The following PGS1 variants were observed in gnomAD, a reference collection of about 807,000 sequenced individuals.
PGS1 encodes CDP-diacylglycerol--glycerol-3-phosphate 3-phosphatidyltransferase, mitochondrial.
A neutral mutation model predicts 58.3 loss-of-function variants in PGS1; 44 were observed. That is an observed-to-expected ratio of 0.75 (90% confidence interval 0.59 to 0.97). PGS1 has a LOEUF of 0.97. Among genes scored for constraint, PGS1 ranks in the 50% least tolerant of loss-of-function variants. The pLI, the probability that PGS1 is intolerant of heterozygous loss-of-function variation, is 0.00. For synonymous variants in PGS1, 330 were observed against 311.0 expected (o/e 1.06, Z -0.64); for missense variants, 684 against 731.1 (o/e 0.94, Z 0.74).
At chr17:78,388,604 C>T (rs187439369) in intron 1 of PGS1, among the ~76,000 whole-genome samples, 174 of 152,098 alleles carry the variant, frequency 1.1e-3, no homozygotes, top group Non-Finnish European at 1.9e-3. Flanking sequence ...CCTTAGACTC[C>T]AGAGTGCTGG....
At chr17:78,412,886 G>A (rs907172231) in intron 7 of PGS1, among the ~76,000 whole-genome samples, 98 of 152,090 alleles carry the variant, frequency 6.4e-4, no homozygotes, top group Non-Finnish European at 2.9e-5. Flanking sequence ...CCTGTCTCAG[G>A]TCTGAGGCTG....
intron 9 of PGS1, chr17:78,421,192 C>A (rs531232080): frequency 2.0e-5 from 3 of 152,322 alleles, no homozygotes; most frequent in South Asian, 4.1e-4. Flanking sequence ...CTCTCCATAT[C>A]CCCCAGTGTC....
chr17:78,422,394 A>T (rs1421873759), intron 9 of PGS1, among the ~76,000 whole-genome samples: 1 of 141,080 alleles, frequency 7.1e-6, no homozygotes, highest in East Asian at 2.0e-4. Context: ...TGGACTTTCT[A>T]GATGCTTCTT....
chr17:78,387,290 C>T (rs965918549), intron 1 of PGS1, among the ~76,000 whole-genome samples: 2 of 151,814 alleles, frequency 1.3e-5, no homozygotes, highest in Non-Finnish European at 2.9e-5. Flanking sequence ...AGGTGAGAGC[C>T]ACTGCGCCCA....
intron 1 of PGS1, among the ~76,000 whole-genome samples, chr17:78,388,789 C>A (rs1348280931): frequency 6.6e-6 from 1 of 151,536 alleles, no homozygotes; most frequent in Non-Finnish European, 1.5e-5. Flanking sequence ...TCACCAGTTC[C>A]CCTTTTTGAT....
At chr17:78,386,971 GAT>G (rs2082431293) in intron 1 of PGS1, among the ~76,000 whole-genome samples, 1 of 147,630 alleles carries the variant, frequency 6.8e-6, no homozygotes, top group African/African-American at 2.6e-5. Context: ...TGATGATGAT[GAT>G]GATGATGGTG....
Position 78,387,230 on chromosome 17 carries a change from C to T in PGS1, c.144-5246C>T, listed in dbSNP as rs887967656. On this transcript the variant is annotated intron_variant, in intron 1 of 9. Transcript: ENST00000262764. ...TGTTGGCTAGGCTGGTCTCGATCTC[C>T]TGGCCTCAGGTGATCTGACTGTGCA... Among the ~76,000 whole-genome samples, 3 of 151,758 alleles carry T rather than the reference C, an allele frequency of 2.0e-5. No homozygotes were observed. In the East Asian group the frequency reaches 5.8e-4, roughly 29 times the overall value.
At chr17:78,405,079 C>T (rs938992950) in intron 7 of PGS1, among the ~76,000 whole-genome samples, 3 of 152,086 alleles carry the variant, frequency 2.0e-5, no homozygotes, top group Non-Finnish European at 4.4e-5. Flanking sequence ...CTCACTGCTA[C>T]CTCTGCCTCC....
At chr17:78,411,315 C>T (rs2084670065) in intron 7 of PGS1, among the ~76,000 whole-genome samples, 1 of 152,156 alleles carries the variant, frequency 6.6e-6, no homozygotes, top group Admixed American at 6.5e-5. Flanking sequence ...GCCAGGAGTG[C>T]CGAGGCCTGG....
At chr17:78,412,111 A>G (rs1375152954) in intron 7 of PGS1, among the ~76,000 whole-genome samples, 2 of 151,598 alleles carry the variant, frequency 1.3e-5, no homozygotes, top group Non-Finnish European at 2.9e-5. Flanking sequence ...TTGAAAAACC[A>G]TTGTTCCCAG....
At chr17:78,392,079 T>G (rs993913511) in intron 1 of PGS1, among the ~76,000 whole-genome samples, 2 of 152,230 alleles carry the variant, frequency 1.3e-5, no homozygotes, top group African/African-American at 4.8e-5. Context: ...TAGTGGTGGC[T>G]GCAGGCAAAT....
rs1194387871 is a variant in PGS1, at chr17:78,400,123, C to T, written c.702-554C>T. Reference sequence around the variant, plus strand: ...TGCATGGGCCGGGCGCAGTGGCTCACGCCTGTAATCCCACATTTTGGGAGG... The same window carrying T: ...TGCATGGGCCGGGCGCAGTGGCTCATGCCTGTAATCCCACATTTTGGGAGG... On this transcript the variant is annotated intron_variant, in intron 5 of 9. Coordinates refer to ENST00000262764, the MANE Select transcript of PGS1 (RefSeq NM_024419.5). The surrounding 1 kb of genome is among the most constrained non-coding windows in gnomAD (Gnocchi z 4.4). 1 of 180,234 alleles carries T rather than the reference C, an allele frequency of 5.5e-6. No individual in the cohort carries two copies. Among genetic ancestry groups the T allele is most frequent in the Middle Eastern group, 2.6e-3 (1 of 388 alleles). 11.2% of individuals were successfully genotyped at this position (180,234 alleles called of 1,614,324 possible). A position where few individuals can be genotyped will look rare whatever the true frequency, so the allele number is the denominator to read the frequency against.
chr17:78,399,559 T>G (rs1336486651), intron 5 of PGS1, 22 bp downstream of exon 5: 2 of 1,612,092 alleles, frequency 1.2e-6, no homozygotes, highest in Non-Finnish European at 1.7e-6. Context: ...CCACCGTCAG[T>G]GCTTTTGCCC....
chr17:78,392,321 T>A (rs889286888), intron 1 of PGS1, among the ~76,000 whole-genome samples, 155 bp from the exon 2 acceptor site: 1 of 152,180 alleles, frequency 6.6e-6, no homozygotes, highest in South Asian at 2.1e-4. Flanking sequence ...TGAGTTGGGC[T>A]CACTTTTTAA....
chr17:78,393,360 T>C (rs892144531), intron 2 of PGS1, among the ~76,000 whole-genome samples: 1 of 152,198 alleles, frequency 6.6e-6, no homozygotes, highest in African/African-American at 2.4e-5. Flanking sequence ...GCGCCCGGCC[T>C]AGACTTTGAT....
chr17:78,413,950 T>C (rs1207540670), intron 7 of PGS1, among the ~76,000 whole-genome samples: 1 of 152,226 alleles, frequency 6.6e-6, no homozygotes, highest in African/African-American at 2.4e-5. Context: ...CCCTGCTTTT[T>C]CTCCAACTGT....
At chr17:78,417,634 G>A (rs1171089591) in intron 8 of PGS1, among the ~76,000 whole-genome samples, 4 of 152,022 alleles carry the variant, frequency 2.6e-5, no homozygotes, top group African/African-American at 9.7e-5. Context: ...AGCAGGGAGT[G>A]TGCCACTTTG....
intron 7 of PGS1, among the ~76,000 whole-genome samples, chr17:78,410,462 CTTTTTTTTTTTTTTTT>C (rs572547320): frequency 2.7e-5 from 2 of 73,532 alleles, no homozygotes; most frequent in African/African-American, 5.3e-5. Context: ...AACTTCAGAG[CTTTTTTTTTTTTTTTT>C]TTTTTTTTTT....
intron 6 of PGS1, among the ~76,000 whole-genome samples, chr17:78,402,106 C>T (rs976758666): frequency 1.3e-5 from 2 of 152,154 alleles, no homozygotes; most frequent in African/African-American, 4.8e-5. Context: ...GGCAGTGTGA[C>T]TCCTTTCTCC....
Sources: gnomAD v4.1 joint callset for allele counts (sites outside exome capture counted in the v4.1 genomes callset) on GRCh38, gnomAD v4.1.1 for gene constraint, Gnocchi (gnomAD v3.1) non-coding constraint, MANE v1.5 for transcripts, NCBI Gene and HGNC (gene_info 2026-07-23, HGNC 2026-07-21) for gene names.